Variants in SLC35A2 observed in about 807,000 individuals in gnomAD.
SLC35A2 encodes the protein UDP-galactose translocator.
In SLC35A2, 1 loss-of-function variant was observed where a neutral mutation model predicts 17.3. That is an observed-to-expected ratio of 0.06 (90% CI 0.02 to 0.27). The LOEUF (loss-of-function observed/expected upper bound fraction) is 0.27, where lower values mean the gene tolerates loss of function less well. Among genes scored for constraint, SLC35A2 ranks in the 10% least tolerant of loss-of-function variants. SLC35A2 has a pLI of 1.00. For missense variants in SLC35A2, 191 were observed against 339.3 expected (o/e 0.56, Z 3.43); for synonymous variants, 161 against 161.3 (o/e 1.00, Z 0.01).
rs1557042665 is a variant in SLC35A2, at chrX:48,904,826, G to A, written c.1083C>T (p.His361=). 4 of 1,211,669 alleles carry A rather than the reference G, an allele frequency of 3.3e-6. No individual in the cohort carries two copies. In the Admixed American group the frequency reaches 6.5e-5, roughly 20 times the overall value. ...ASASASGPCV[H]QQPPGQPPPP... ...GTGGTGGCTGCCCGGGAGGCTGCTGGTGAACGCAGGGCCCGGAGGCGGAGG... is the reference window on the plus strand; with the variant it reads ...GTGGTGGCTGCCCGGGAGGCTGCTGATGAACGCAGGGCCCGGAGGCGGAGG... Residue 361 remains histidine, a synonymous_variant, in exon 4 of 5, where the codon CAC becomes CAT. Coordinates refer to ENST00000247138, the MANE Select transcript of SLC35A2 (RefSeq NM_005660.3).
In SLC35A2 at chrX:48,911,646, T is replaced by C. The variant is rs1557044133; in HGVS notation, c.-10A>G. 8.6e-7 allele frequency: 1 copy of C among 1,157,525 alleles called. No individual in the cohort carries two copies. The highest frequency in any genetic ancestry group is 2.6e-5 in the Admixed American group (1 of 38,643). On this transcript the variant is annotated 5_prime_UTR_variant, in exon 1 of 5. Transcript: ENST00000247138. ...CCCCAACCGCTGCCATGTTGGCATC[T>C]GCCCGGCCCGTCCCCTCGGCAACAG...
chrX:48,903,489 GAAA>G, intron 4 of SLC35A2, 24 bp from the exon 5 acceptor site: 1 of 574,170 alleles, frequency 1.7e-6, no homozygotes, highest in African/African-American at 2.2e-5. Flanking sequence ...GGGGAGGAAA[GAAA>G]AACACAAAGC....
intron 3 of SLC35A2, chrX:48,905,801 G>A (rs1262233106): frequency 3.2e-6 from 1 of 311,100 alleles, no homozygotes; most frequent in Non-Finnish European, 5.6e-6. Flanking sequence ...AAAGATGGCT[G>A]AGGTATGGAA....
chrX:48,911,579 C>T lies in SLC35A2; in HGVS notation c.58G>A (p.Ala20Thr). 1.7e-6 allele frequency: 2 copies of T among 1,165,530 alleles called. No homozygotes were observed. The highest frequency in any genetic ancestry group is 2.3e-6 in the Non-Finnish European group (2 of 875,406). ...TAAPGPGAVS[A>T]GALEPGTASA... ...GCGGTCCCCGGCTCCAATGCACCCG[C>T]GGAAACCGCCCCTGGCCCGGGCGCC... is the stretch of plus-strand genomic sequence containing the variant. The change falls in exon 1 of 5, where the codon GCG becomes ACG. Residue 20 changes from alanine (A) to threonine (T), a missense_variant. Ala to Thr is a moderately conservative substitution (Grantham distance 58, BLOSUM62 0). Around this residue, in one of 2 missense-constraint regions of SLC35A2, gnomAD observed 27 missense variants for 24.0 expected, o/e 1.12. Transcript: ENST00000247138.
intron 1 of SLC35A2, among the ~76,000 whole-genome samples, chrX:48,910,504 C>T (rs1217270573): frequency 6.3e-5 from 7 of 111,728 alleles, no homozygotes; most frequent in Non-Finnish European, 1.1e-4. Flanking sequence ...AAATGATGCT[C>T]CTGTTTAATG....
At chrX:48,911,717 G>A, upstream of SLC35A2, 3 of 1,155,597 alleles carry the variant, frequency 2.6e-6, no homozygotes, top group Admixed American at 2.6e-5. Context: ...GGCCACCTGA[G>A]TGAAGGTGGA....
At chrX:48,904,699 C>A in intron 4 of SLC35A2, 47 bp downstream of exon 4, 1 of 1,211,293 alleles carries the variant, frequency 8.3e-7, no homozygotes, top group Non-Finnish European at 1.1e-6. Context: ...AGTCCCCCTC[C>A]CTTGTGTCCC....
At chrX:48,911,796 C>A (rs1217527818), upstream of SLC35A2, 2 of 1,166,482 alleles carry the variant, frequency 1.7e-6, no homozygotes, top group Non-Finnish European at 2.3e-6. Context: ...TATGAATAGC[C>A]CCGGGATTTC....
intron 4 of SLC35A2, chrX:48,904,323 GGGA>G (rs2063468647): frequency 9.7e-7 from 1 of 1,031,254 alleles, no homozygotes; most frequent in Admixed American, 4.9e-5. Flanking sequence ...GAAGAGCTGC[GGGA>G]GTTTTGTCCA....
chrX:48,911,462 CT>C, intron 1 of SLC35A2, 83 bp downstream of exon 1: 1 of 1,100,215 alleles, frequency 9.1e-7, no homozygotes, highest in Non-Finnish European at 1.2e-6. Flanking sequence ...GGGATGCTCC[CT>C]CTCACTTTAG....
intron 1 of SLC35A2, chrX:48,910,259 T>C: frequency 8.7e-7 from 1 of 1,150,195 alleles, no homozygotes; most frequent in Non-Finnish European, 1.2e-6. Flanking sequence ...AGGTGTCAGG[T>C]AATGGCTGAG....
Position 48,904,886 on chromosome X carries a change from G to A in SLC35A2, c.1023C>T (p.Pro341=). The A allele has an allele frequency of 8.3e-7, 1 of 1,211,771 alleles. No individual in the cohort carries two copies. Among genetic ancestry groups the A allele is most frequent in the Non-Finnish European group, 1.1e-6 (1 of 895,326 alleles). The change falls in exon 4 of 5, where the codon CCC becomes CCT. Residue 341 remains proline, a synonymous_variant. Coordinates refer to ENST00000247138, the MANE Select transcript of SLC35A2 (RefSeq NM_005660.3). ...AGGCTATGGCTTTGGCTGCACCTCG[G>A]GGAAGGCTGTAGAGGTAGACAGCAC... ...VIGAVYLYSL[P]RGAAKAIASA...
intron 2 of SLC35A2, 33 bp from the exon 3 acceptor site, chrX:48,906,576 T>C: frequency 3.3e-6 from 4 of 1,196,616 alleles, no homozygotes; most frequent in Non-Finnish European, 4.5e-6. Context: ...TTCTTAGCAC[T>C]GACAGCCATA....
intron 4 of SLC35A2, 82 bp from the exon 5 acceptor site, chrX:48,903,547 G>A (rs2063460190): frequency 2.0e-5 from 11 of 554,076 alleles, no homozygotes; most frequent in South Asian, 1.5e-4. Context: ...TGAGGGCGGC[G>A]GTGGTGAGGC....
rs1557044100 is a variant in SLC35A2, at chrX:48,911,602, G to C, written c.35C>G (p.Ala12Gly). The C allele has an allele frequency of 1.2e-5, 14 of 1,164,408 alleles. No individual in the cohort carries two copies. Among genetic ancestry groups the C allele is most frequent in the Non-Finnish European group, 1.6e-5 (14 of 874,846 alleles). ...CGCGGAAACCGCCCCTGGCCCGGGC[G>C]CCGCGGTGGAACCACCAGCCCCAAC... ...AAVGAGGSTAAPGPGAVSAGA... is the reference protein window; with the variant it reads ...AAVGAGGSTAGPGPGAVSAGA... The change falls in exon 1 of 5, where the codon GCG (alanine) becomes GGG (glycine). Residue 12 changes from alanine to glycine, a missense_variant. Around this residue, in one of 2 missense-constraint regions of SLC35A2, gnomAD observed 27 missense variants for 24.0 expected, o/e 1.12. Transcript: ENST00000247138.
chrX:48,911,657 T>C, upstream of SLC35A2: 1 of 1,156,020 alleles, frequency 8.7e-7, no homozygotes, highest in Non-Finnish European at 1.2e-6. Flanking sequence ...GCCCGGCCCG[T>C]CCCCTCGGCA....
intron 2 of SLC35A2, among the ~76,000 whole-genome samples, chrX:48,908,297 G>A (rs2063506671): frequency 9.1e-6 from 1 of 109,566 alleles, no homozygotes; most frequent in Non-Finnish European, 1.9e-5. Context: ...TGTATTTTTA[G>A]TAGAGACGGG....
intron 2 of SLC35A2, among the ~76,000 whole-genome samples, chrX:48,907,542 A>T (rs183573864): frequency 8.9e-6 from 1 of 111,902 alleles, no homozygotes; most frequent in Admixed American, 9.5e-5. Flanking sequence ...CCACCACACC[A>T]GGCATAGTCT....
chrX:48,911,302 C>A (rs1476136933), intron 1 of SLC35A2, among the ~76,000 whole-genome samples: 1 of 111,254 alleles, frequency 9.0e-6, no homozygotes, highest in Non-Finnish European at 1.9e-5. Flanking sequence ...TGGCCTTAGC[C>A]TTCCCAAAAA....
Sources: gnomAD v4.1 joint callset for allele counts (sites outside exome capture counted in the v4.1 genomes callset) on GRCh38, gnomAD v4.1.1 for gene constraint, gnomAD v4.1.1 regional missense constraint, MANE v1.5 for transcripts, NCBI Gene and HGNC (gene_info 2026-07-23, HGNC 2026-07-21) for gene names.